CDK14: variants seen among roughly 807,000 people sequenced by gnomAD.
The protein encoded by CDK14 is cyclin-dependent kinase 14.
Under a neutral mutation model 60.7 loss-of-function variants are expected in CDK14, and 34 were observed. The observed-to-expected ratio is 0.56, with a 90% CI of 0.43 to 0.75. The LOEUF (loss-of-function observed/expected upper bound fraction) is 0.75, where lower values mean the gene tolerates loss of function less well. Among genes scored for constraint, CDK14 ranks in the 30% least tolerant of loss-of-function variants. The probability of loss-of-function intolerance (pLI) is 0.00; values close to 1 mark genes in which losing one functional copy is unlikely to be tolerated. For synonymous variants in CDK14, 197 were observed against 203.7 expected, an observed-to-expected ratio of 0.97 and a Z score of 0.28; for missense variants, 482 against 564.1, an observed-to-expected ratio of 0.85 and a Z score of 1.47.
At chr7:90,788,183 A>G (rs1311524065) in intron 4 of CDK14, among the ~76,000 whole-genome samples, 1 of 152,128 alleles carries the variant, frequency 6.6e-6, no homozygotes, top group Non-Finnish European at 1.5e-5. Flanking sequence ...TGAGGGGAAA[A>G]TATCTGTAAA....
intron 14 of CDK14, among the ~76,000 whole-genome samples, chr7:91,170,718 A>G (rs933366260): frequency 6.6e-6 from 1 of 151,704 alleles, no homozygotes; most frequent in Non-Finnish European, 1.5e-5. Flanking sequence ...TAACCAATTA[A>G]CTTTTACAAA....
chr7:91,103,078 C>T (rs1421546139), intron 12 of CDK14, among the ~76,000 whole-genome samples: 2 of 152,006 alleles, frequency 1.3e-5, no homozygotes, highest in Non-Finnish European at 2.9e-5. Flanking sequence ...CATGGTGAAA[C>T]CTGATCTCTA....
intron 8 of CDK14, among the ~76,000 whole-genome samples, chr7:90,947,250 C>G (rs1224505864): frequency 6.6e-6 from 1 of 152,168 alleles, no homozygotes; most frequent in Non-Finnish European, 1.5e-5. Flanking sequence ...AACCTTATCC[C>G]TTTCAGTCTC....
intron 2 of CDK14, among the ~76,000 whole-genome samples, chr7:90,653,835 A>G (rs749321780): frequency 3.6e-4 from 54 of 152,108 alleles, no homozygotes; most frequent in Non-Finnish European, 7.8e-4. Context: ...ACCTGATGAC[A>G]GGCCCCAGTG....
At chr7:90,648,193 A>C (rs1800512583) in intron 2 of CDK14, among the ~76,000 whole-genome samples, 1 of 152,064 alleles carries the variant, frequency 6.6e-6, no homozygotes, top group Non-Finnish European at 1.5e-5. Context: ...TTGGAGCTGC[A>C]TTCATTTGAA....
chr7:91,177,578 A>T (rs1801817221), intron 14 of CDK14, among the ~76,000 whole-genome samples: 2 of 152,134 alleles, frequency 1.3e-5, no homozygotes, highest in Admixed American at 1.3e-4. Flanking sequence ...CTCAGCCCGA[A>T]ATCTCCTTAA....
chr7:90,813,191 C>G (rs1403807384), intron 5 of CDK14, among the ~76,000 whole-genome samples: 1 of 152,142 alleles, frequency 6.6e-6, no homozygotes, highest in Non-Finnish European at 1.5e-5. Context: ...GAGATGGAAT[C>G]TTGCTCTGTC....
intron 14 of CDK14, among the ~76,000 whole-genome samples, chr7:91,137,704 G>T (rs1469951468): frequency 6.8e-6 from 1 of 146,766 alleles, no homozygotes; most frequent in Non-Finnish European, 1.5e-5. Context: ...GTGTGTGTGT[G>T]TGTGTGTGTG....
At chr7:91,185,290 C>G (rs528204017) in intron 14 of CDK14, among the ~76,000 whole-genome samples, 25 of 151,804 alleles carry the variant, frequency 1.6e-4, no homozygotes, top group Non-Finnish European at 2.5e-4. Flanking sequence ...AAACCCAGCT[C>G]AGTTCTAACC....
At chr7:91,174,442 A>G (rs1801653216) in intron 14 of CDK14, among the ~76,000 whole-genome samples, 1 of 151,780 alleles carries the variant, frequency 6.6e-6, no homozygotes, top group Admixed American at 6.6e-5. Flanking sequence ...CAGCAACGGA[A>G]CAAAGCTGGA....
chr7:90,820,782 ATAACTC>A (rs1562786138), intron 5 of CDK14, among the ~76,000 whole-genome samples: 1 of 152,202 alleles, frequency 6.6e-6, no homozygotes, highest in Non-Finnish European at 1.5e-5. Context: ...AAAACCTACT[ATAACTC>A]TAGTTGCATC....
chr7:90,863,012 T>C (rs1791057724), intron 5 of CDK14, among the ~76,000 whole-genome samples, 163 bp from the exon 6 acceptor site: 1 of 152,074 alleles, frequency 6.6e-6, no homozygotes, highest in Non-Finnish European at 1.5e-5. Flanking sequence ...AGACCCCATC[T>C]CAAAAAAAGT....
chr7:91,156,145 A>C (rs1273851689), intron 14 of CDK14, among the ~76,000 whole-genome samples: 2 of 152,192 alleles, frequency 1.3e-5, no homozygotes, highest in Non-Finnish European at 2.9e-5. Flanking sequence ...CAGACCTCTC[A>C]TTAACTAGTT....
At chr7:90,841,346 T>C (rs1240141469) in intron 5 of CDK14, among the ~76,000 whole-genome samples, 1 of 152,054 alleles carries the variant, frequency 6.6e-6, no homozygotes, top group African/African-American at 2.4e-5. Flanking sequence ...GTAAAAAATA[T>C]AGCCTCCTAT....
rs530518155 is a variant in CDK14 at position 90,791,684 on chromosome 7, A to G, written c.544+1032A>G. On this transcript the variant is annotated intron_variant, in intron 5 of 14. Coordinates refer to ENST00000380050, the MANE Select transcript of CDK14 (RefSeq NM_001287135.2). ...ATTCAATTTTAATTTTGTTTCCATC[A>G]TTTATCTTTAGCGGAAACTGTTCTT... Among the ~76,000 whole-genome samples, 6 of 152,030 alleles carry G rather than the reference A, an allele frequency of 3.9e-5. No homozygotes were observed. The South Asian group carries it at 1.2e-3, about 32-fold the overall frequency.
Position 90,947,356 on chromosome 7 carries a change from C to T in CDK14, c.827-8341C>T, listed in dbSNP as rs1309804304. 2.6e-5 allele frequency among the ~76,000 whole-genome samples: 4 copies of T among 152,256 alleles called. No individual in the cohort carries two copies. In the East Asian group the frequency reaches 5.8e-4, roughly 22 times the overall value. On this transcript the variant is annotated intron_variant, in intron 8 of 14. Coordinates refer to ENST00000380050, the MANE Select transcript of CDK14 (RefSeq NM_001287135.2). ...CCCACACTTGCCAGGCAACCTGTTCCCAAGTTCCCAGTCTTCTTGGGGAGG... is the reference window on the plus strand; with the variant it reads ...CCCACACTTGCCAGGCAACCTGTTCTCAAGTTCCCAGTCTTCTTGGGGAGG...
chr7:91,125,284 A>G (rs2116404325), intron 14 of CDK14, among the ~76,000 whole-genome samples: 1 of 152,318 alleles, frequency 6.6e-6, no homozygotes, highest in East Asian at 1.9e-4. Context: ...CCAGGGTTTC[A>G]TGTCCTTAAA....
chr7:90,915,108 T>C lies in CDK14; in HGVS notation c.703-2493T>C, dbSNP rs1288695535. On this transcript the variant is annotated intron_variant, in intron 7 of 14. Transcript: ENST00000380050. Reference sequence around the variant, plus strand: ...TCCTGAGGAGAGACCTAGGAATGCATGGAAAATAGTAGGCAAAGGGAAGAG... The same window carrying C: ...TCCTGAGGAGAGACCTAGGAATGCACGGAAAATAGTAGGCAAAGGGAAGAG... Among the ~76,000 whole-genome samples the C allele has an allele frequency of 1.9e-4, 29 of 151,998 alleles. 1 individual carries two copies. Among genetic ancestry groups the C allele is most frequent in the Non-Finnish European group, 4.4e-5 (3 of 67,946 alleles).
chr7:90,778,326 A>G (rs1396131539), intron 4 of CDK14, among the ~76,000 whole-genome samples: 2 of 152,242 alleles, frequency 1.3e-5, no homozygotes, highest in East Asian at 3.8e-4. Context: ...TCCGTATCCC[A>G]ATTCAGTTTA....
Sources: gnomAD v4.1 joint callset for allele counts (sites outside exome capture counted in the v4.1 genomes callset) on GRCh38, gnomAD v4.1.1 for gene constraint, MANE v1.5 for transcripts, NCBI Gene and HGNC (gene_info 2026-07-23, HGNC 2026-07-21) for gene names.